The following TSNARE1 variants were observed in gnomAD, a reference collection of about 807,000 sequenced individuals.
The protein encoded by TSNARE1 is t-SNARE domain-containing protein 1.
In TSNARE1, 49 loss-of-function variants were observed where a neutral mutation model predicts 62.0. The ratio of observed to expected loss-of-function variants is 0.79; its 90% CI spans 0.63 to 1.00. The LOEUF (loss-of-function observed/expected upper bound fraction) is 1.00, where lower values mean the gene tolerates loss of function less well. Among genes scored for constraint, TSNARE1 ranks in the 50% least tolerant of loss-of-function variants. TSNARE1 has a pLI of 0.00. For missense variants in TSNARE1, 755 were observed against 700.1 expected (o/e 1.08, Z -0.88); for synonymous variants, 328 against 294.4 (o/e 1.11, Z -1.17).
chr8:142,285,993 G>T (rs936531482), intron 10 of TSNARE1, among the ~76,000 whole-genome samples: 1 of 152,184 alleles, frequency 6.6e-6, no homozygotes, highest in African/African-American at 2.4e-5. Context: ...GTGGTCCCAT[G>T]ACCTCCAGGG....
intron 1 of TSNARE1, among the ~76,000 whole-genome samples, chr8:142,365,253 G>T (rs576437641): frequency 5.3e-4 from 81 of 152,288 alleles, no homozygotes; most frequent in Non-Finnish European, 7.3e-4. Flanking sequence ...AGACTGAGAA[G>T]AACTCACCGG....
Position 142,282,343 on chromosome 8 carries a change from A to C in TSNARE1, c.1363+2070T>G, listed in dbSNP as rs557333117. ...ATCTCTGGGCAGAGGCCCAGGATGA[A>C]GGCGTGGAGGCTAGTATCTGTCAAC... On this transcript the variant is annotated intron_variant, in intron 11 of 13. Transcript: ENST00000524325. Among the ~76,000 whole-genome samples the C allele has an allele frequency of 1.9e-4, 29 of 152,388 alleles. No homozygotes were observed. The South Asian group carries it at 3.9e-3, about 21-fold the overall frequency.
intron 9 of TSNARE1, 90 bp downstream of exon 9, chr8:142,314,294 C>A: frequency 7.8e-7 from 1 of 1,278,352 alleles, no homozygotes; most frequent in South Asian, 1.3e-5. Flanking sequence ...CTGCCCTTGG[C>A]CCTCCCCGCC....
chr8:142,400,760 T>C (rs982710097), intron 1 of TSNARE1, among the ~76,000 whole-genome samples: 4 of 152,062 alleles, frequency 2.6e-5, no homozygotes, highest in Non-Finnish European at 5.9e-5. Flanking sequence ...TCGGAAGAAA[T>C]GTGTCTGTCT....
At chr8:142,405,170 G>C (rs368147929), upstream of TSNARE1, 2 of 152,250 alleles carry the variant, frequency 1.3e-5, no homozygotes, top group African/African-American at 4.8e-5. Context: ...CCGATGGGGA[G>C]GGGGAGGAGG....
chr8:142,360,696 G>C (rs973935519), intron 1 of TSNARE1, among the ~76,000 whole-genome samples: 1 of 152,158 alleles, frequency 6.6e-6, no homozygotes, highest in African/African-American at 2.4e-5. Flanking sequence ...GGCGCCGGGG[G>C]AAGCGGCGGT....
intron 1 of TSNARE1, among the ~76,000 whole-genome samples, chr8:142,364,995 A>G (rs1483071897): frequency 2.6e-5 from 4 of 152,234 alleles, no homozygotes; most frequent in Admixed American, 1.3e-4. Context: ...GGCTTGATGA[A>G]TAACAGGATA....
At chr8:142,372,741 C>T (rs193084145) in intron 1 of TSNARE1, among the ~76,000 whole-genome samples, 1 of 152,282 alleles carries the variant, frequency 6.6e-6, no homozygotes, top group Non-Finnish European at 1.5e-5. Context: ...GGCCACCCCA[C>T]CAGTGCCATT....
intron 11 of TSNARE1, chr8:142,275,285 G>A (rs767133924): frequency 1.1e-4 from 109 of 985,442 alleles, no homozygotes; most frequent in Non-Finnish European, 1.2e-4. Flanking sequence ...GTTGCGACGC[G>A]GCTGATGGAG....
intron 1 of TSNARE1, among the ~76,000 whole-genome samples, chr8:142,360,370 G>C (rs1389286970): frequency 6.6e-6 from 1 of 152,194 alleles, no homozygotes; most frequent in African/African-American, 2.4e-5. Context: ...GAGGGCCTGG[G>C]CCAGGGCCGC....
At chr8:142,285,450 G>A (rs1449716957) in intron 10 of TSNARE1, among the ~76,000 whole-genome samples, 2 of 145,926 alleles carry the variant, frequency 1.4e-5, no homozygotes, top group East Asian at 4.2e-4. Context: ...GTGGGTGGGT[G>A]GGGTAGGTGG....
At chr8:142,234,268 A>AGCTCCAAGATG (rs1203407718) in intron 12 of TSNARE1, among the ~76,000 whole-genome samples, 1 of 130,316 alleles carries the variant, frequency 7.7e-6, no homozygotes, top group African/African-American at 2.9e-5. Context: ...GTTCAGGGAA[A>AGCTCCAAGATG]GCTCCAAGAT....
rs1586787988 is a variant in TSNARE1, at chr8:142,320,796, G to C, written c.894-2162C>G. ...CCCCTGGGAGGGTCAGGCAGGTCAC[G>C]ACTCACACTTTTCTCTGCTCCGCGC... is the stretch of plus-strand genomic sequence containing the variant. On this transcript the variant is annotated intron_variant, in intron 6 of 13. Coordinates refer to ENST00000524325, the MANE Select transcript of TSNARE1 (RefSeq NM_145003.5). Among the ~76,000 whole-genome samples, 10 of 152,348 alleles carry C rather than the reference G, an allele frequency of 6.6e-5. 2 individuals carry two copies. The highest frequency in any genetic ancestry group is 6.5e-4 in the Admixed American group (10 of 15,306).
intron 11 of TSNARE1, among the ~76,000 whole-genome samples, chr8:142,283,405 T>C (rs1822053847): frequency 1.4e-5 from 2 of 147,800 alleles, no homozygotes; most frequent in South Asian, 2.2e-4. Context: ...GGTTAGTGTC[T>C]ATCAATGAGC....
chr8:142,377,279 C>G (rs1409356166), intron 1 of TSNARE1, among the ~76,000 whole-genome samples: 6 of 152,084 alleles, frequency 3.9e-5, no homozygotes, highest in Non-Finnish European at 7.4e-5. Context: ...ATTAAGACAG[C>G]CCCAAAGAAA....
At chr8:142,235,308 C>T (rs1817351002) in intron 12 of TSNARE1, among the ~76,000 whole-genome samples, 1 of 152,114 alleles carries the variant, frequency 6.6e-6, no homozygotes, top group South Asian at 2.1e-4. Flanking sequence ...TGGCTGGATG[C>T]TGGATGTCTA....
At chr8:142,265,124 T>G (rs77755485) in intron 12 of TSNARE1, among the ~76,000 whole-genome samples, 4 of 151,096 alleles carry the variant, frequency 2.6e-5, no homozygotes, top group Non-Finnish European at 5.9e-5. Flanking sequence ...TCTACTCAGT[T>G]TGTGTGTGTG....
chr8:142,253,315 C>T (rs958774446), intron 12 of TSNARE1, among the ~76,000 whole-genome samples: 1 of 152,218 alleles, frequency 6.6e-6, no homozygotes, highest in Non-Finnish European at 1.5e-5. Context: ...GGCCAGCGTG[C>T]GTGCCGCGTC....
chr8:142,394,628 A>G (rs1365293091), intron 1 of TSNARE1, among the ~76,000 whole-genome samples: 1 of 152,224 alleles, frequency 6.6e-6, no homozygotes, highest in Non-Finnish European at 1.5e-5. Context: ...GATTCCTCCC[A>G]CAGCTCTGCT....
Sources: allele counts gnomAD v4.1 joint callset (sites outside exome capture counted in the v4.1 genomes callset), GRCh38; gene constraint gnomAD v4.1.1; transcripts MANE v1.5; gene names NCBI Gene and HGNC (gene_info 2026-07-23, HGNC 2026-07-21).